BRCA1: variants seen among roughly 807,000 people sequenced by gnomAD.
BRCA1 encodes breast cancer type 1 susceptibility protein.
Under a neutral mutation model 173.7 loss-of-function variants are expected in BRCA1, and 140 were observed. The observed-to-expected ratio is 0.81, with a 90% CI of 0.70 to 0.93. BRCA1 has a LOEUF of 0.93. BRCA1 is among the 40% of genes least tolerant of loss of function. BRCA1 has a pLI of 0.00. For synonymous variants in BRCA1, 662 were observed against 756.0 expected (o/e 0.88, Z 2.04); for missense variants, 1,983 against 2,172.5 (o/e 0.91, Z 1.73).
chr17:43,125,556 C>T, upstream of BRCA1: 1 of 306,054 alleles, frequency 3.3e-6, no homozygotes, highest in Non-Finnish European at 6.5e-6. Context: ...AGTCTGCCCC[C>T]GGATGACGTA....
At chr17:43,166,601 C>T (rs2056270032) in intron 1 of BRCA1, 1 of 152,090 alleles carries the variant, frequency 6.6e-6, no homozygotes, top group East Asian at 1.9e-4. Flanking sequence ...CGTGCCTGAC[C>T]TATGCTTCTT....
intron 1 of BRCA1, among the ~76,000 whole-genome samples, chr17:43,130,795 G>A (rs1348105356): frequency 6.6e-6 from 1 of 152,122 alleles, no homozygotes; most frequent in Non-Finnish European, 1.5e-5. Context: ...TCTAGTAATG[G>A]GCCAGAGCTG....
chr17:43,053,687 A>C (rs1188487667), intron 19 of BRCA1, among the ~76,000 whole-genome samples: 3 of 151,694 alleles, frequency 2.0e-5, no homozygotes, highest in Non-Finnish European at 4.4e-5. Context: ...AGAAATTTGA[A>C]GTTTCAGGCC....
At chr17:43,126,152 A>G (rs1371626240), upstream of BRCA1, among the ~76,000 whole-genome samples, 1 of 152,232 alleles carries the variant, frequency 6.6e-6, no homozygotes, top group East Asian at 1.9e-4. Flanking sequence ...TGCCTGGGGC[A>G]GGGGAAATGC....
intron 14 of BRCA1, among the ~76,000 whole-genome samples, chr17:43,071,518 T>C (rs1004537219): frequency 6.7e-6 from 1 of 149,996 alleles, no homozygotes; most frequent in Non-Finnish European, 1.5e-5. Flanking sequence ...GGTTTAGTCA[T>C]AGGAATAGTA....
chr17:43,154,143 A>G (rs1159232088), intron 1 of BRCA1, among the ~76,000 whole-genome samples: 1 of 152,016 alleles, frequency 6.6e-6, no homozygotes, highest in Non-Finnish European at 1.5e-5. Context: ...AGCCAAGATC[A>G]CACCACTGCA....
intron 19 of BRCA1, among the ~76,000 whole-genome samples, chr17:43,056,173 TC>T (rs1160112343): frequency 1.3e-5 from 2 of 150,552 alleles, no homozygotes; most frequent in Non-Finnish European, 2.9e-5. Context: ...CATAAAGTGA[TC>T]TTTTTTTTTT....
chr17:43,139,920 A>G (rs1363391131), intron 1 of BRCA1: 1 of 485,992 alleles, frequency 2.1e-6, no homozygotes, highest in Non-Finnish European at 4.3e-6. Context: ...TTGGTCCTTC[A>G]CCTTGGTTCC....
intron 1 of BRCA1, among the ~76,000 whole-genome samples, chr17:43,139,375 T>G (rs1348095366): frequency 2.6e-5 from 4 of 152,046 alleles, no homozygotes; most frequent in Non-Finnish European, 5.9e-5. Context: ...TTTTCTTTTT[T>G]TTTTTTGAGA....
chr17:43,118,778 G>A (rs1443968480), intron 2 of BRCA1, among the ~76,000 whole-genome samples: 1 of 137,982 alleles, frequency 7.2e-6, no homozygotes, highest in Non-Finnish European at 1.6e-5. Context: ...TTTTTTTTTG[G>A]AGATGGAGTC....
rs1426681028 is a variant in BRCA1, at chr17:43,094,620, A to G, written c.911T>C (p.Phe304Ser). The G allele has an allele frequency of 6.2e-7, 1 of 1,614,016 alleles. No homozygotes were observed. The highest frequency in any genetic ancestry group is 2.2e-5 in the East Asian group (1 of 44,892). The change falls in exon 10 of 23, where the codon TTC (phenylalanine) becomes TCC (serine). Residue 304 changes from phenylalanine to serine, a missense_variant. Phe to Ser is a radical substitution (Grantham distance 155). Transcript: ENST00000357654. ...KDRMNVEKAE[F>S]CNKSKQPGLA... ...GCCAGGCTGTTTGCTTTTATTACAG[A>G]ATTCAGCCTTTTCTACATTCATTCT...
At chr17:43,088,271 C>T (rs1380426875) in intron 11 of BRCA1, among the ~76,000 whole-genome samples, 2 of 152,080 alleles carry the variant, frequency 1.3e-5, no homozygotes, top group Admixed American at 1.3e-4. Flanking sequence ...TTTCATCATC[C>T]CAAACTGAAA....
intron 20 of BRCA1, chr17:43,050,106 G>A: frequency 7.5e-6 from 3 of 398,636 alleles, no homozygotes; most frequent in Non-Finnish European, 8.8e-6. Flanking sequence ...CCTGTGACCA[G>A]ATGCTAAGGC....
chr17:43,052,278 AT>A, intron 19 of BRCA1, among the ~76,000 whole-genome samples: 1 of 152,038 alleles, frequency 6.6e-6, no homozygotes. Context: ...TCATATTTTA[AT>A]TTTTTTCTTT....
chr17:43,065,039 C>T (rs890104108), intron 16 of BRCA1, among the ~76,000 whole-genome samples: 1 of 151,998 alleles, frequency 6.6e-6, no homozygotes, highest in East Asian at 1.9e-4. Flanking sequence ...ACCGTGTTAG[C>T]CAGGATGGTC....
intron 1 of BRCA1, chr17:43,144,298 A>G: frequency 7.1e-6 from 2 of 280,176 alleles, no homozygotes; most frequent in South Asian, 5.9e-5. Flanking sequence ...ATGAACATTC[A>G]TGCATGGGCT....
chr17:43,049,155 A>G lies in BRCA1; in HGVS notation c.5372T>C (p.Val1791Ala), dbSNP rs864622244. 1.2e-6 allele frequency: 2 copies of G among 1,614,168 alleles called. No individual in the cohort carries two copies. The highest frequency in any genetic ancestry group is 2.7e-5 in the African/African-American group (2 of 75,048). Reference sequence around the variant, plus strand: ...GGTGAATGATGAAAGCTCCTTCACCACAGAAGCACCACACAGCTGTACCAT... The same window carrying G: ...GGTGAATGATGAAAGCTCCTTCACCGCAGAAGCACCACACAGCTGTACCAT... ...EWMVQLCGAS[V>A]VKELSSFTLG... The change falls in exon 21 of 23, where the codon GTG becomes GCG. Residue 1791 changes from valine to alanine, a missense_variant. Coordinates refer to ENST00000357654, the MANE Select transcript of BRCA1 (RefSeq NM_007294.4).
At chr17:43,062,700 A>C in intron 18 of BRCA1, among the ~76,000 whole-genome samples, 1 of 151,266 alleles carries the variant, frequency 6.6e-6, no homozygotes, top group East Asian at 1.9e-4. Context: ...CGGGTTCAAG[A>C]GATTCTCCTG....
chr17:43,101,444 C>T (rs1007296251), intron 6 of BRCA1, among the ~76,000 whole-genome samples: 1 of 152,168 alleles, frequency 6.6e-6, no homozygotes, highest in African/African-American at 2.4e-5. Context: ...ATCCACCCGC[C>T]TTGGCCTCCC....
Sources: allele counts gnomAD v4.1 joint callset (sites outside exome capture counted in the v4.1 genomes callset), GRCh38; gene constraint gnomAD v4.1.1; transcripts MANE v1.5; gene names NCBI Gene and HGNC (gene_info 2026-07-23, HGNC 2026-07-21).